ZNF626: variants seen among roughly 807,000 people sequenced by gnomAD.
ZNF626 encodes the protein CTC-513N18.7.
Under a neutral mutation model 11.7 loss-of-function variants are expected in ZNF626, and 4 were observed. The observed-to-expected ratio is 0.34, with a 90% CI of 0.17 to 0.78. ZNF626 has a LOEUF of 0.78. ZNF626 is among the 30% of genes least tolerant of loss of function. The pLI is 0.57. For missense variants in ZNF626, 588 were observed against 587.1 expected, an observed-to-expected ratio of 1.00 and a Z score of -0.01; for synonymous variants, 179 against 198.6, an observed-to-expected ratio of 0.90 and a Z score of 0.83.
intron 3 of ZNF626, among the ~76,000 whole-genome samples, chr19:20,627,001 A>G (rs1450341785): frequency 6.6e-6 from 1 of 151,934 alleles, no homozygotes; most frequent in East Asian, 1.9e-4. Context: ...TGGGTGACAG[A>G]AAAAGACTCC....
At chr19:20,658,111 A>G (rs1970224843) in intron 1 of ZNF626, among the ~76,000 whole-genome samples, 2 of 151,768 alleles carry the variant, frequency 1.3e-5, no homozygotes, top group African/African-American at 4.9e-5. Flanking sequence ...AGCTAAAAAA[A>G]GAAAAAAAAA....
chr19:20,624,910 T>A lies in ZNF626; in HGVS notation c.967A>T (p.Lys323Ter). 2 of 1,613,878 alleles carry A rather than the reference T, an allele frequency of 1.2e-6. No homozygotes were observed. Among genetic ancestry groups the A allele is most frequent in the South Asian group, 2.2e-5 (2 of 91,060 alleles). The change falls in exon 4 of 4, where the codon AAG (lysine) becomes TAG (stop). Residue 323 changes from lysine (K) to a stop codon, truncating the protein, a stop_gained. Transcript: ENST00000601440. LOFTEE classifies it low-confidence loss of function (END_TRUNC). ...TGTGTAGTAAGGGTATAGGAGTACT[T>A]AAAGGCTTTGTCACATTCTTCACAT... is the stretch of plus-strand genomic sequence containing the variant. ...YKCEECDKAFKYSYTLTTHKR... is the reference protein window; with the variant it reads ...YKCEECDKAF
intron 1 of ZNF626, among the ~76,000 whole-genome samples, chr19:20,655,266 A>T (rs1446309982): frequency 6.6e-6 from 1 of 152,242 alleles, no homozygotes; most frequent in African/African-American, 2.4e-5. Context: ...CTTTCGCAGT[A>T]TAAGTACTTC....
intron 1 of ZNF626, 146 bp downstream of exon 1, chr19:20,661,298 C>G (rs1970264932): frequency 8.9e-7 from 1 of 1,118,890 alleles, no homozygotes; most frequent in South Asian, 1.3e-5. Context: ...TATGGCTGAA[C>G]AGGACTGAGG....
At chr19:20,651,039 T>C (rs544825974) in intron 1 of ZNF626, among the ~76,000 whole-genome samples, 13 of 152,082 alleles carry the variant, frequency 8.5e-5, no homozygotes, top group Admixed American at 5.2e-4. Context: ...TTACAAAAAT[T>C]AGCTGGGTGT....
chr19:20,649,404 C>G (rs1970121276), intron 1 of ZNF626, among the ~76,000 whole-genome samples: 1 of 152,116 alleles, frequency 6.6e-6, no homozygotes, highest in East Asian at 1.9e-4. Flanking sequence ...ATTTCTGCTA[C>G]AGTAATGGAA....
chr19:20,623,918 C>A lies in ZNF626; in HGVS notation c.*372G>T. ...AAGGTTGAGAAGTTCCTTAAAAAAT[C>A]TGTCACATTCTTTATATTTGTAGAG... On this transcript the variant is annotated 3_prime_UTR_variant, in exon 4 of 4. Coordinates refer to ENST00000601440, the MANE Select transcript of ZNF626 (RefSeq NM_001076675.3). 1 of 347,524 alleles carries A rather than the reference C, an allele frequency of 2.9e-6. No homozygotes were observed. Among genetic ancestry groups the A allele is most frequent in the South Asian group, 2.7e-5 (1 of 37,548 alleles). 21.5% of individuals were successfully genotyped at this position (347,524 alleles called of 1,614,324 possible).
intron 3 of ZNF626, among the ~76,000 whole-genome samples, chr19:20,639,382 T>C (rs1205187259): frequency 6.6e-6 from 1 of 151,582 alleles, no homozygotes; most frequent in African/African-American, 2.4e-5. Context: ...ACCAAGATAA[T>C]ACAAAATATT....
chr19:20,630,446 T>C (rs1969890108), intron 3 of ZNF626, among the ~76,000 whole-genome samples: 1 of 152,196 alleles, frequency 6.6e-6, no homozygotes, highest in South Asian at 2.1e-4. Context: ...GATTATTGCC[T>C]CAATTTCAGC....
Position 20,624,293 on chromosome 19 carries a change from T to C in ZNF626, c.1584A>G (p.Arg528=), listed in dbSNP as rs537313392. ...TAGAATTTCTCTCCAGTATGAATTA[T>C]CTTATGTGTAGTAAGGTGTGAGGAC... The part of the protein sequence containing the change: ...SSGPHTLLHI[R] The change falls in exon 4 of 4, where the codon AGA becomes AGG. Residue 528 remains arginine (R), a synonymous_variant. Coordinates refer to ENST00000601440, the MANE Select transcript of ZNF626 (RefSeq NM_001076675.3). 6.7e-5 allele frequency: 108 copies of C among 1,613,938 alleles called. No individual in the cohort carries two copies. In the African/African-American group the frequency reaches 9.1e-4, roughly 14 times the overall value.
chr19:20,624,229 G>T lies in ZNF626; in HGVS notation c.*61C>A. 6.2e-7 allele frequency: 1 copy of T among 1,611,856 alleles called. No homozygotes were observed. Among genetic ancestry groups the T allele is most frequent in the Non-Finnish European group, 8.5e-7 (1 of 1,178,690 alleles). On this transcript the variant is annotated 3_prime_UTR_variant, in exon 4 of 4. Transcript: ENST00000601440. ...AATTTTCTTATGTGTAGTAAGGTTA[G>T]AGAAATGCTTAAAAGCTTTGTCACA...
chr19:20,638,425 C>CTAAA (rs60283787), intron 3 of ZNF626, among the ~76,000 whole-genome samples: 7,816 of 141,062 alleles, frequency 0.055, 265 homozygotes, highest in African/African-American at 0.079. Flanking sequence ...AACTGCATGT[C>CTAAA]TAAATAAATA....
At chr19:20,655,476 C>T (rs1443450262) in intron 1 of ZNF626, among the ~76,000 whole-genome samples, 7 of 152,114 alleles carry the variant, frequency 4.6e-5, no homozygotes, top group Non-Finnish European at 4.4e-5. Flanking sequence ...ATAAACTTTT[C>T]GGAACCAAAA....
Position 20,661,547 on chromosome 19 carries a change from T to C in ZNF626, c.-101A>G. On this transcript the variant is annotated 5_prime_UTR_variant, in exon 1 of 4. Coordinates refer to ENST00000601440, the MANE Select transcript of ZNF626 (RefSeq NM_001076675.3). ...GGGCCTTTAGGAGAAGAACCAGACC[T>C]GGAGCTCTGACTGCAGCGAGAGACA... 6 of 1,333,052 alleles carry C rather than the reference T, an allele frequency of 4.5e-6. No homozygotes were observed. The highest frequency in any genetic ancestry group is 5.2e-6 in the Non-Finnish European group (5 of 952,688). 82.6% of individuals were successfully genotyped at this position (1,333,052 alleles called of 1,614,324 possible). A position where few individuals can be genotyped will look rare whatever the true frequency, so the allele number is the denominator to read the frequency against.
In ZNF626 at chr19:20,652,652, A is replaced by G. The variant is rs1006678030; in HGVS notation, c.4-6247T>C. Among the ~76,000 whole-genome samples the G allele has an allele frequency of 9.2e-5, 14 of 152,310 alleles. 1 individual carries two copies. Among genetic ancestry groups the G allele is most frequent in the Non-Finnish European group, 1.5e-5 (1 of 68,008 alleles). ...AAAGATGAATACAGAATTCAAAGGG[A>G]GGAGAAAGACATAATTGCACTTTTA... is the stretch of plus-strand genomic sequence containing the variant. On this transcript the variant is annotated intron_variant, in intron 1 of 3. Transcript: ENST00000601440.
Position 20,638,537 on chromosome 19 carries a change from T to C in ZNF626, c.226+7147A>G, listed in dbSNP as rs1019533860. On this transcript the variant is annotated intron_variant, in intron 3 of 3. Coordinates refer to ENST00000601440, the MANE Select transcript of ZNF626 (RefSeq NM_001076675.3). The stretch of plus-strand genomic sequence containing the variant: ...AGTATGCTGCCTATAAGAGACTCAT[T>C]TTAGCATTCAGTCAAATAGGCTGAA... Among the ~76,000 whole-genome samples, 14 of 152,044 alleles carry C rather than the reference T, an allele frequency of 9.2e-5. No homozygotes were observed. The South Asian group carries it at 2.5e-3, about 27-fold the overall frequency.
intron 3 of ZNF626, among the ~76,000 whole-genome samples, chr19:20,637,158 A>G (rs1163518229): frequency 1.3e-5 from 2 of 152,184 alleles, no homozygotes; most frequent in Non-Finnish European, 2.9e-5. Flanking sequence ...TAAAACCTTT[A>G]AAGTTCTTTT....
chr19:20,640,532 C>A (rs1970012725), intron 3 of ZNF626, among the ~76,000 whole-genome samples: 1 of 150,140 alleles, frequency 6.7e-6, no homozygotes, highest in Non-Finnish European at 1.5e-5. Flanking sequence ...TATAAACAAC[C>A]CTTAAAACTA....
At chr19:20,641,164 C>A (rs1970021006) in intron 3 of ZNF626, among the ~76,000 whole-genome samples, 1 of 147,704 alleles carries the variant, frequency 6.8e-6, no homozygotes. Context: ...CAACACAGGA[C>A]CTGGAAGACA....
Sources: gnomAD v4.1 joint callset for allele counts (sites outside exome capture counted in the v4.1 genomes callset) on GRCh38, gnomAD v4.1.1 for gene constraint, MANE v1.5 for transcripts, NCBI Gene and HGNC (gene_info 2026-07-23, HGNC 2026-07-21) for gene names.